CABIN1: variants seen among roughly 807,000 people sequenced by gnomAD.
The protein encoded by CABIN1 is calcineurin-binding protein cabin-1.
CABIN1 carries 133 observed loss-of-function variants against 227.7 expected under a neutral mutation model. The observed-to-expected ratio is 0.58, with a 90% CI of 0.51 to 0.67. The LOEUF is 0.67. Among genes scored for constraint, CABIN1 ranks in the 30% least tolerant of loss-of-function variants. The probability of loss-of-function intolerance (pLI) is 0.00; values close to 1 mark genes in which losing one functional copy is unlikely to be tolerated. For synonymous variants in CABIN1, 1,086 were observed against 1,155.1 expected (o/e 0.94, Z 1.21); for missense variants, 2,408 against 2,852.5 (o/e 0.84, Z 3.55).
At chr22:24,129,446 G>A (rs1274377772) in intron 28 of CABIN1, among the ~76,000 whole-genome samples, 1 of 152,196 alleles carries the variant, frequency 6.6e-6, no homozygotes, top group African/African-American at 2.4e-5. Context: ...CTGGCCTTGG[G>A]AAGGACCCAA....
At chr22:24,168,562 C>T (rs368776632) in intron 33 of CABIN1, 41 bp downstream of exon 33, 3 of 1,453,436 alleles carry the variant, frequency 2.1e-6, no homozygotes, top group African/African-American at 1.4e-5. Flanking sequence ...TCTTGCGGAG[C>T]CTGCTCCATA....
intron 14 of CABIN1, 87 bp from the exon 15 acceptor site, chr22:24,063,948 G>A: frequency 6.5e-7 from 1 of 1,546,100 alleles, no homozygotes; most frequent in East Asian, 2.2e-5. Flanking sequence ...GGCCTCCACA[G>A]TCTAGTGAGA....
intron 8 of CABIN1, 102 bp downstream of exon 8, chr22:24,051,076 G>T: frequency 4.0e-6 from 6 of 1,504,806 alleles, no homozygotes. Flanking sequence ...TTGATCCTGG[G>T]TTGGTGGTAT....
intron 34 of CABIN1, among the ~76,000 whole-genome samples, chr22:24,174,681 G>A (rs775461100): frequency 5.3e-5 from 8 of 152,152 alleles, no homozygotes; most frequent in South Asian, 2.1e-4. Flanking sequence ...GTGCATCTGA[G>A]CTCCCTTGGG....
intron 29 of CABIN1, among the ~76,000 whole-genome samples, chr22:24,157,041 G>A (rs903034235): frequency 6.6e-6 from 1 of 152,144 alleles, no homozygotes; most frequent in African/African-American, 2.4e-5. Flanking sequence ...CAGTAGCCCC[G>A]CCTGGAGAGA....
chr22:24,063,825 C>G (rs927464779), intron 14 of CABIN1, among the ~76,000 whole-genome samples: 2 of 152,186 alleles, frequency 1.3e-5, no homozygotes, highest in Admixed American at 6.5e-5. Context: ...TATCTCCCCT[C>G]GCAGAGTTGA....
intron 29 of CABIN1, among the ~76,000 whole-genome samples, chr22:24,134,843 C>A (rs190212644): frequency 1.3e-5 from 2 of 152,152 alleles, no homozygotes; most frequent in Non-Finnish European, 2.9e-5. Flanking sequence ...TTTTGGAGGC[C>A]GAGGCGGGCA....
intron 28 of CABIN1, among the ~76,000 whole-genome samples, chr22:24,129,667 G>A (rs1025206301): frequency 6.6e-6 from 1 of 152,252 alleles, no homozygotes; most frequent in Admixed American, 6.5e-5. Flanking sequence ...AGGGCTGATA[G>A]AGAAGTAGGG....
chr22:24,135,489 A>G (rs368241280), intron 29 of CABIN1, among the ~76,000 whole-genome samples: 1 of 152,162 alleles, frequency 6.6e-6, no homozygotes, highest in East Asian at 1.9e-4. Context: ...GGCAGGGCCA[A>G]TCACCTAGGC....
chr22:24,121,757 G>A (rs1032516970), intron 28 of CABIN1, among the ~76,000 whole-genome samples: 2 of 152,154 alleles, frequency 1.3e-5, no homozygotes, highest in Non-Finnish European at 2.9e-5. Context: ...TCAGTGGAAC[G>A]GACACTAGTA....
At chr22:24,090,444 C>A (rs140083784) in intron 23 of CABIN1, among the ~76,000 whole-genome samples, 1 of 152,062 alleles carries the variant, frequency 6.6e-6, no homozygotes, top group South Asian at 2.1e-4. Context: ...TGGTTGGTCC[C>A]GTGTTTGACC....
chr22:24,062,685 G>A (rs143073252), intron 13 of CABIN1, among the ~76,000 whole-genome samples: 91 of 152,192 alleles, frequency 6.0e-4, no homozygotes, highest in African/African-American at 2.1e-3. Flanking sequence ...ACTACCACCT[G>A]GTGGAATGTA....
chr22:24,125,282 C>A (rs1323078871), intron 28 of CABIN1, among the ~76,000 whole-genome samples: 7 of 152,230 alleles, frequency 4.6e-5, no homozygotes, highest in Admixed American at 3.9e-4. Flanking sequence ...AATCTGCTGA[C>A]TTTTGACTTC....
Position 24,067,115 on chromosome 22 carries a change from C to T in CABIN1, c.2166C>T (p.Asp722=). 1 of 1,614,216 alleles carries T rather than the reference C, an allele frequency of 6.2e-7. No homozygotes were observed. Among genetic ancestry groups the T allele is most frequent in the Non-Finnish European group, 8.5e-7 (1 of 1,180,030 alleles). Residue 722 remains aspartate, a synonymous_variant, in exon 16 of 37, where the codon GAC becomes GAT. Transcript: ENST00000263119. ...LRPTLCTSGF[D]RAKHLEFMTS... ...CCACTTTGTGCACCAGTGGGTTTGA[C>T]CGGGCCAAACACCTGGAGTTTATGA...
chr22:24,035,612 A>C, intron 2 of CABIN1, 92 bp downstream of exon 2: 1 of 1,511,442 alleles, frequency 6.6e-7, no homozygotes, highest in South Asian at 1.1e-5. Context: ...TTAGATTCTG[A>C]AGGCTCTTAT....
At chr22:24,093,619 A>G (rs961660033) in intron 24 of CABIN1, among the ~76,000 whole-genome samples, 2 of 152,054 alleles carry the variant, frequency 1.3e-5, no homozygotes, top group African/African-American at 4.8e-5. Flanking sequence ...CTATAATCCC[A>G]CTGCTTTGGG....
Position 24,035,452 on chromosome 22 carries a change from T to G in CABIN1, c.-66T>G. On this transcript the variant is annotated 5_prime_UTR_variant, in exon 2 of 37. Coordinates refer to ENST00000263119, the MANE Select transcript of CABIN1 (RefSeq NM_012295.4). Reference sequence around the variant, plus strand: ...TCCTATTTCCTTTCTAGGAGAGTTGTGGACTGGGGCAACCTTTGCCAGTGA... The same window carrying G: ...TCCTATTTCCTTTCTAGGAGAGTTGGGGACTGGGGCAACCTTTGCCAGTGA... The G allele has an allele frequency of 6.2e-7, 1 of 1,610,568 alleles. No homozygotes were observed. The highest frequency in any genetic ancestry group is 8.5e-7 in the Non-Finnish European group (1 of 1,176,794).
Position 24,177,587 on chromosome 22 carries a change from A to T in CABIN1, c.6289A>T (p.Thr2097Ser), listed in dbSNP as rs572020075. Residue 2097 changes from threonine (T) to serine (S), a missense_variant, in exon 36 of 37, where the codon ACA becomes TCA. By Grantham distance (58) the Thr-to-Ser change is moderately conservative. Around this residue, in one of 3 missense-constraint regions of CABIN1, gnomAD observed 714 missense variants for 773.8 expected, o/e 0.92. Coordinates refer to ENST00000263119, the MANE Select transcript of CABIN1 (RefSeq NM_012295.4). The surrounding 1 kb of genome is among the most constrained non-coding windows in gnomAD (Gnocchi z 4.4). ...SETQPLSSPP[T>S]AASSKAPSSG... ...GACTCAGCCCCTGAGCTCTCCCCCA[A>T]CAGCTGCCAGCTCCAAGGCCCCCAG... is the stretch of plus-strand genomic sequence containing the variant. 68 of 1,608,002 alleles carry T rather than the reference A, an allele frequency of 4.2e-5. No individual in the cohort carries two copies. In the East Asian group the frequency reaches 1.5e-3, roughly 36 times the overall value.
chr22:24,064,517 T>TG (rs1436393630), intron 15 of CABIN1, among the ~76,000 whole-genome samples: 5 of 148,926 alleles, frequency 3.4e-5, no homozygotes, highest in South Asian at 2.1e-4. Context: ...GAAAGGTTTT[T>TG]TTTTTTTTTT....
Sources: gnomAD v4.1 joint callset for allele counts (sites outside exome capture counted in the v4.1 genomes callset) on GRCh38, gnomAD v4.1.1 for gene constraint, gnomAD v4.1.1 regional missense constraint, Gnocchi (gnomAD v3.1) non-coding constraint, MANE v1.5 for transcripts, NCBI Gene and HGNC (gene_info 2026-07-23, HGNC 2026-07-21) for gene names.